Variants in DHX8 observed in about 807,000 individuals in gnomAD.
DHX8 encodes the protein DEAH-box helicase 8, also known as ATP-dependent RNA helicase DHX8.
In DHX8, 67 loss-of-function variants were observed where a neutral mutation model predicts 140.7. The ratio of observed to expected loss-of-function variants is 0.48; its 90% CI spans 0.39 to 0.58. The LOEUF (loss-of-function observed/expected upper bound fraction) is 0.58. Among genes scored for constraint, DHX8 ranks in the 20% least tolerant of loss-of-function variants. The pLI is 0.00. For missense variants in DHX8, 887 were observed against 1,550.7 expected, an observed-to-expected ratio of 0.57 and a Z score of 7.19; for synonymous variants, 533 against 553.2, an observed-to-expected ratio of 0.96 and a Z score of 0.51.
intron 2 of DHX8, chr17:43,532,605 C>A: frequency 7.0e-7 from 1 of 1,428,364 alleles, no homozygotes; most frequent in Non-Finnish European, 9.5e-7. Flanking sequence ...TGTAAAAAAA[C>A]TCGGGAGACA....
intron 17 of DHX8, among the ~76,000 whole-genome samples, chr17:43,516,148 A>G (rs1399326030): frequency 6.6e-6 from 1 of 152,126 alleles, no homozygotes. Flanking sequence ...TTAGTAGTCA[A>G]GTAAGTATGC....
intron 2 of DHX8, chr17:43,536,406 C>A (rs1276097171): frequency 6.2e-7 from 1 of 1,611,826 alleles, no homozygotes; most frequent in Non-Finnish European, 8.5e-7. Flanking sequence ...TATACCCTCT[C>A]CCCAGGGACC....
intron 1 of DHX8, among the ~76,000 whole-genome samples, chr17:43,487,989 A>G (rs1274187143): frequency 6.6e-6 from 1 of 152,056 alleles, no homozygotes; most frequent in African/African-American, 2.4e-5. Flanking sequence ...AAATGAAAAA[A>G]TAAAAAAAGT....
chr17:43,525,122 T>TC lies in DHX8; in HGVS notation c.*1276dup. The stretch of plus-strand genomic sequence containing the variant: ...AGGAGGCTCCTTACCTGGCGGAACA[T>TC]CAGGCAGGTCTTGCCAGGCCAGGTT... On this transcript the variant is annotated 3_prime_UTR_variant, in exon 23 of 23. Coordinates refer to ENST00000262415, the MANE Select transcript of DHX8 (RefSeq NM_004941.3). 1.0e-6 allele frequency: 1 copy of TC among 985,366 alleles called. No homozygotes were observed. The highest frequency in any genetic ancestry group is 1.2e-6 in the Non-Finnish European group (1 of 829,922). The allele number at this position is 985,366 out of a possible 1,614,324, so 61.0% of individuals were successfully genotyped here.
intron 3 of DHX8, among the ~76,000 whole-genome samples, chr17:43,539,631 C>T (rs1038046557): frequency 9.2e-5 from 14 of 152,204 alleles, no homozygotes; most frequent in African/African-American, 3.4e-4. Context: ...AATAAACATG[C>T]AATAATCGTT....
At position 43,534,094 on chromosome 17, in the gene DHX8, C is replaced by T. The variant is rs28428560; in HGVS notation, c.351-2318C>T. 9 of 1,183,040 alleles carry T rather than the reference C, an allele frequency of 7.6e-6. No individual in the cohort carries two copies. The Admixed American group carries it at 2.9e-4, about 38-fold the overall frequency. 73.3% of individuals were successfully genotyped at this position (1,183,040 alleles called of 1,614,324 possible). ...GGACCAGCTGGGTGACTGGTACAGC[C>T]TCCTTCCCTCTCTGGGTATCAATTT... On this transcript the variant is annotated intron_variant, in intron 2 of 3. Coordinates refer to the DHX8 transcript ENST00000589898.
chr17:43,528,674 C>G (rs1253256854), downstream of DHX8: 5 of 1,614,042 alleles, frequency 3.1e-6, no homozygotes, highest in Non-Finnish European at 4.2e-6. Flanking sequence ...CGCTGATTGT[C>G]CGGGAAGGCC....
In DHX8 at chr17:43,507,621, T is replaced by A. The variant is rs1969569026; in HGVS notation, c.2042T>A (p.Ile681Asn). Residue 681 changes from isoleucine to asparagine, a missense_variant, in exon 14 of 23, where the codon ATC (isoleucine) becomes AAC (asparagine). Physicochemically the swap from Ile to Asn is moderately radical, Grantham distance 149 (BLOSUM62 -3). Transcript: ENST00000262415. ...GACCCTGACCTCACTCAGTACGCGA[T>A]CATCATGTTGGACGAGGCACATGAG... ...LIDPDLTQYA[I>N]IMLDEAHERT... 1 of 1,614,042 alleles carries A rather than the reference T, an allele frequency of 6.2e-7. No homozygotes were observed.
chr17:43,522,960 G>A (rs539158172), intron 22 of DHX8, among the ~76,000 whole-genome samples: 1 of 150,990 alleles, frequency 6.6e-6, no homozygotes, highest in African/African-American at 2.4e-5. Context: ...CTACTTGGGA[G>A]GCTGAGACAT....
chr17:43,536,480 CTGCA>C, exon 3 of DHX8: 1 of 1,614,202 alleles, frequency 6.2e-7, no homozygotes, highest in Non-Finnish European at 8.5e-7. Context: ...GGTACCTGAG[CTGCA>C]GAGAGAAGTC....
At position 43,492,862 on chromosome 17, in the gene DHX8, C is replaced by CA; in HGVS notation, c.686dup (p.Ser230GlufsTer19). On this transcript the variant is annotated frameshift_variant, in exon 6 of 23. Coordinates refer to ENST00000262415, the MANE Select transcript of DHX8 (RefSeq NM_004941.3). LOFTEE classifies it high-confidence loss of function. Reference sequence around the variant, plus strand: ...TAGATATCGGTCCAGGAGCAGGAGTCAGAGTCCCCCCAAAGACCGGAAGGA... The same window carrying CA: ...TAGATATCGGTCCAGGAGCAGGAGTCAAGAGTCCCCCCAAAGACCGGAAGGA... The CA allele has an allele frequency of 2.5e-6, 4 of 1,614,146 alleles. No homozygotes were observed.
intron 17 of DHX8, among the ~76,000 whole-genome samples, chr17:43,516,833 T>C (rs1970137955): frequency 6.6e-6 from 1 of 152,348 alleles, no homozygotes. Context: ...TTTTTGGTCA[T>C]AACTGTGGGG....
chr17:43,529,394 T>C, downstream of DHX8: 1 of 1,433,812 alleles, frequency 7.0e-7, no homozygotes, highest in Non-Finnish European at 9.6e-7. Context: ...AGAATTCAGG[T>C]TAGGTAAAGC....
rs1481709712 is a variant in DHX8 at position 43,532,556 on chromosome 17, TG to T, written c.351-3853del. ...CTTTTGAAATTATGAAGAAAAAAAG[TG>T]GGTGGGTGGGTTGGATGTATGAAAT... On this transcript the variant is annotated intron_variant, in intron 2 of 3. Coordinates refer to the DHX8 transcript ENST00000589898. The T allele has an allele frequency of 8.0e-6, 7 of 877,166 alleles. No individual in the cohort carries two copies. In the Admixed American group the frequency reaches 1.3e-4, roughly 16 times the overall value. 54.3% of individuals were successfully genotyped at this position (877,166 alleles called of 1,614,324 possible).
In DHX8 at chr17:43,521,478, A is replaced by G. The variant is rs1272280846; in HGVS notation, c.3176A>G (p.Asn1059Ser). ...TCCTGGAAGAACAACAAGTTCTCCA[A>G]CCCATGGTGCTATGAGAACTTTATC... ...YNSWKNNKFS[N>S]PWCYENFIQA... The change falls in exon 21 of 23, where the codon AAC becomes AGC. Residue 1059 changes from asparagine (N) to serine (S), a missense_variant. Physicochemically the swap from Asn to Ser is conservative, Grantham distance 46. Coordinates refer to ENST00000262415, the MANE Select transcript of DHX8 (RefSeq NM_004941.3). The G allele has an allele frequency of 1.9e-6, 3 of 1,613,924 alleles. No homozygotes were observed. Among genetic ancestry groups the G allele is most frequent in the South Asian group, 2.2e-5 (2 of 91,074 alleles).
At chr17:43,533,821 C>T (rs1971090324) in intron 2 of DHX8, 3 of 1,603,584 alleles carry the variant, frequency 1.9e-6, no homozygotes, top group Non-Finnish European at 2.5e-6. Flanking sequence ...CTCTGGAACC[C>T]TTCTCCTACC....
intron 16 of DHX8, among the ~76,000 whole-genome samples, chr17:43,513,078 A>G (rs1969931856): frequency 6.6e-6 from 1 of 152,218 alleles, no homozygotes. Context: ...AAAATGAGAT[A>G]CACAGTAGCT....
intron 17 of DHX8, among the ~76,000 whole-genome samples, chr17:43,513,709 C>CT (rs34829204): frequency 0.046 from 4,868 of 105,860 alleles, 445 homozygotes; most frequent in African/African-American, 0.14. Flanking sequence ...AGTTTTTAAT[C>CT]TTTTTTTTTT....
At position 43,538,154 on chromosome 17, in the gene DHX8, A is replaced by G. The variant is rs999715531; in HGVS notation, c.*20+1656A>G. ...AGACTCCATTTCAAAAAAAAAAAAAAAAAAATTAGCTGGACGTGGTGGCAC... is the reference window on the plus strand; with the variant it reads ...AGACTCCATTTCAAAAAAAAAAAAAGAAAAATTAGCTGGACGTGGTGGCAC... On this transcript the variant is annotated intron_variant, in intron 3 of 3. Coordinates refer to the DHX8 transcript ENST00000589898. 1.2e-4 allele frequency among the ~76,000 whole-genome samples: 18 copies of G among 151,420 alleles called. 1 individual carries two copies. Among genetic ancestry groups the G allele is most frequent in the African/African-American group, 4.1e-4 (17 of 41,266 alleles).
Sources: allele counts gnomAD v4.1 joint callset (sites outside exome capture counted in the v4.1 genomes callset), GRCh38; gene constraint gnomAD v4.1.1; transcripts MANE v1.5; gene names NCBI Gene and HGNC (gene_info 2026-07-23, HGNC 2026-07-21).